The following RABGAP1L variants were observed in gnomAD, a reference collection of about 807,000 sequenced individuals.
RABGAP1L encodes rab GTPase-activating protein 1-like.
A neutral mutation model predicts 137.7 loss-of-function variants in RABGAP1L; 63 were observed. The ratio of observed to expected loss-of-function variants is 0.46; its 90% CI spans 0.37 to 0.56. The LOEUF (loss-of-function observed/expected upper bound fraction) is 0.56, where lower values mean the gene tolerates loss of function less well. RABGAP1L is among the 20% of genes least tolerant of loss of function. The pLI is 0.00. For synonymous variants in RABGAP1L, 431 were observed against 433.7 expected, an observed-to-expected ratio of 0.99 and a Z score of 0.08; for missense variants, 1,095 against 1,244.0, an observed-to-expected ratio of 0.88 and a Z score of 1.80.
At chr1:174,890,477 A>C (rs552732854) in intron 19 of RABGAP1L, among the ~76,000 whole-genome samples, 71 of 152,324 alleles carry the variant, frequency 4.7e-4, no homozygotes, top group African/African-American at 1.6e-3. Context: ...AGATAATTAG[A>C]GATATTTTCA....
intron 13 of RABGAP1L, among the ~76,000 whole-genome samples, chr1:174,475,419 C>G (rs1280425327): frequency 6.6e-6 from 1 of 152,052 alleles, no homozygotes; most frequent in Non-Finnish European, 1.5e-5. Context: ...ATATTGTGGA[C>G]TCATCCAGTG....
intron 3 of RABGAP1L, among the ~76,000 whole-genome samples, chr1:174,222,253 C>T (rs1669815265): frequency 6.6e-6 from 1 of 152,082 alleles, no homozygotes; most frequent in East Asian, 1.9e-4. Flanking sequence ...TACATTCAAA[C>T]CTGTAAATAA....
chr1:174,627,279 T>C (rs985478554), intron 13 of RABGAP1L, among the ~76,000 whole-genome samples: 1 of 152,230 alleles, frequency 6.6e-6, no homozygotes, highest in African/African-American at 2.4e-5. Flanking sequence ...AATACCTTTC[T>C]AGTTGTTGAC....
At chr1:174,424,718 T>C (rs1290780285) in intron 13 of RABGAP1L, among the ~76,000 whole-genome samples, 2 of 136,374 alleles carry the variant, frequency 1.5e-5, no homozygotes, top group African/African-American at 6.6e-5. Context: ...TAGTCATTAA[T>C]ACATTTATTC....
intron 16 of RABGAP1L, chr1:174,700,501 CA>C (rs1679564852): frequency 6.6e-6 from 1 of 152,278 alleles, no homozygotes; most frequent in South Asian, 2.1e-4. Flanking sequence ...TATGAACTGC[CA>C]GGGGATCCGT....
At chr1:174,645,124 T>A (rs1436771128) in intron 14 of RABGAP1L, among the ~76,000 whole-genome samples, 1 of 152,166 alleles carries the variant, frequency 6.6e-6, no homozygotes, top group East Asian at 1.9e-4. Flanking sequence ...TCTGCTTCAC[T>A]GTAGTAACCA....
At chr1:174,345,396 A>G (rs578167587) in intron 11 of RABGAP1L, among the ~76,000 whole-genome samples, 53 of 152,306 alleles carry the variant, frequency 3.5e-4, no homozygotes, top group Non-Finnish European at 5.9e-5. Flanking sequence ...ACATTTTAAC[A>G]ATATTGATTC....
chr1:174,534,201 C>A (rs933719890), intron 13 of RABGAP1L, among the ~76,000 whole-genome samples: 1 of 145,500 alleles, frequency 6.9e-6, no homozygotes, highest in African/African-American at 2.5e-5. Flanking sequence ...CAATATTTAG[C>A]AAGTTGACTG....
intron 13 of RABGAP1L, among the ~76,000 whole-genome samples, chr1:174,507,812 T>G (rs761882456): frequency 6.7e-6 from 1 of 149,404 alleles, no homozygotes; most frequent in Non-Finnish European, 1.5e-5. Context: ...GATTTACTAT[T>G]AAGTATCTTT....
intron 5 of RABGAP1L, among the ~76,000 whole-genome samples, chr1:174,248,863 A>G (rs1672478907): frequency 6.6e-6 from 1 of 152,202 alleles, no homozygotes; most frequent in African/African-American, 2.4e-5. Context: ...TAATGTTCAC[A>G]GCATTCTTCT....
At position 174,213,104 on chromosome 1, in the gene RABGAP1L, A is replaced by G. The variant is rs565141996; in HGVS notation, c.-33-6021A>G. On this transcript the variant is annotated intron_variant, in intron 1 of 25. Transcript: ENST00000681986. ...ATGGCTTCACTGGTGAACTTTCCCA[A>G]ACATTTAGAGAACTAATCAAATATA... Among the ~76,000 whole-genome samples, 463 of 152,288 alleles carry G rather than the reference A, an allele frequency of 3.0e-3. 2 individuals are homozygous for G. Among genetic ancestry groups the G allele is most frequent in the Non-Finnish European group, 4.8e-3 (324 of 68,018 alleles).
At chr1:174,245,643 TA>T (rs1031954418) in intron 5 of RABGAP1L, 4 of 135,530 alleles carry the variant, frequency 3.0e-5, no homozygotes, top group African/African-American at 1.1e-4. Context: ...GTGAACTTTT[TA>T]TTTTTTTTTT....
chr1:174,552,306 A>G (rs1464069298), intron 13 of RABGAP1L, among the ~76,000 whole-genome samples: 2 of 152,022 alleles, frequency 1.3e-5, no homozygotes, highest in Non-Finnish European at 2.9e-5. Flanking sequence ...TTTCTTGATT[A>G]TCTCCCTCCT....
At chr1:174,775,693 T>TTCTCACACATAGACACTCCCTC (rs1686476400) in intron 18 of RABGAP1L, among the ~76,000 whole-genome samples, 1 of 152,116 alleles carries the variant, frequency 6.6e-6, no homozygotes, top group African/African-American at 2.4e-5. Context: ...ATTACCTATA[T>TTCTCACACATAGACACTCCCTC]TCTCACACAT....
At chr1:174,958,935 C>T (rs978839204) in intron 20 of RABGAP1L, among the ~76,000 whole-genome samples, 1 of 152,174 alleles carries the variant, frequency 6.6e-6, no homozygotes, top group African/African-American at 2.4e-5. Context: ...GGACTCAGCT[C>T]ATAGTTGTGT....
intron 13 of RABGAP1L, among the ~76,000 whole-genome samples, chr1:174,610,269 T>G (rs1028157343): frequency 9.6e-5 from 14 of 145,320 alleles, no homozygotes; most frequent in African/African-American, 3.3e-4. Context: ...TGTGTTCTCA[T>G]AGTTCAATTC....
At chr1:174,945,903 G>A (rs1313190211) in intron 19 of RABGAP1L, 2 of 152,008 alleles carry the variant, frequency 1.3e-5, no homozygotes, top group Admixed American at 1.3e-4. Context: ...GGCTGTGAGA[G>A]GAGGAAAAAT....
chr1:174,588,318 C>T (rs1669282276), intron 13 of RABGAP1L, among the ~76,000 whole-genome samples: 1 of 152,042 alleles, frequency 6.6e-6, no homozygotes, highest in Non-Finnish European at 1.5e-5. Flanking sequence ...CATGCACCAC[C>T]ATGCCTGGCT....
chr1:174,604,193 A>C (rs1321770161), intron 13 of RABGAP1L, among the ~76,000 whole-genome samples: 1 of 152,158 alleles, frequency 6.6e-6, no homozygotes, highest in Non-Finnish European at 1.5e-5. Context: ...TTTAGTTCAC[A>C]GTCGGCCTAG....
Sources: allele counts gnomAD v4.1 joint callset (sites outside exome capture counted in the v4.1 genomes callset), GRCh38; gene constraint gnomAD v4.1.1; transcripts MANE v1.5; gene names NCBI Gene and HGNC (gene_info 2026-07-23, HGNC 2026-07-21).